ZFYVE9: variants seen among roughly 807,000 people sequenced by gnomAD.
ZFYVE9 encodes the protein zinc finger FYVE-type containing 9, also known as zinc finger FYVE domain-containing protein 9.
A neutral mutation model predicts 126.7 loss-of-function variants in ZFYVE9; 43 were observed. That is an observed-to-expected ratio of 0.34 (90% CI 0.27 to 0.44). ZFYVE9 has a LOEUF of 0.44. Ranked by LOEUF, ZFYVE9 falls within the 20% of genes least tolerant of loss-of-function variation. The pLI is 1.00. For missense variants in ZFYVE9, 1,476 were observed against 1,697.0 expected (o/e 0.87, Z 2.29); for synonymous variants, 521 against 597.4 (o/e 0.87, Z 1.87).
At chr1:52,301,123 G>T (rs147999715) in intron 12 of ZFYVE9, among the ~76,000 whole-genome samples, 117 of 151,940 alleles carry the variant, frequency 7.7e-4, no homozygotes, top group African/African-American at 2.6e-3. Context: ...GCCTACCAAA[G>T]TGCTGGGATT....
rs1448922843 is a variant in ZFYVE9 at position 52,216,490 on chromosome 1, T to C, written c.-37+16T>C. The C allele has an allele frequency of 2.5e-6, 1 of 398,364 alleles. No homozygotes were observed. 24.7% of individuals were successfully genotyped at this position (398,364 alleles called of 1,614,324 possible). A position where few individuals can be genotyped will look rare whatever the true frequency, so the allele number is the denominator to read the frequency against. Reference sequence around the variant, plus strand: ...GGGGAAAAAGGTAAGAAAATGTTTTTATTTCTCTTAGAGATTGAACTTGAG... The same window carrying C: ...GGGGAAAAAGGTAAGAAAATGTTTTCATTTCTCTTAGAGATTGAACTTGAG... On this transcript the variant is annotated intron_variant, in intron 2 of 18. Transcript: ENST00000287727.
intron 4 of ZFYVE9, among the ~76,000 whole-genome samples, chr1:52,255,976 CTT>C (rs1491279009): frequency 9.7e-6 from 1 of 102,612 alleles, no homozygotes; most frequent in South Asian, 3.1e-4. Flanking sequence ...TTCTTTCTTT[CTT>C]TCTTTCCTTC....
chr1:52,204,533 C>A (rs887672801), intron 1 of ZFYVE9, among the ~76,000 whole-genome samples: 2 of 152,054 alleles, frequency 1.3e-5, no homozygotes, highest in African/African-American at 2.4e-5. Flanking sequence ...TCAAGACCAG[C>A]CTGGCCAAAA....
intron 13 of ZFYVE9, among the ~76,000 whole-genome samples, chr1:52,325,941 T>G (rs974886472): frequency 1.3e-5 from 2 of 152,378 alleles, no homozygotes; most frequent in South Asian, 4.1e-4. Context: ...TGCAGCATAA[T>G]CATTCATAGA....
At chr1:52,317,247 G>A (rs188956404) in intron 13 of ZFYVE9, among the ~76,000 whole-genome samples, 92 of 152,158 alleles carry the variant, frequency 6.0e-4, no homozygotes, top group Middle Eastern at 3.4e-3. Flanking sequence ...GGCCAGGTGC[G>A]GTGGCTCATG....
chr1:52,268,703 A>C (rs1645658091), intron 7 of ZFYVE9, 71 bp downstream of exon 7: 3 of 1,528,042 alleles, frequency 2.0e-6, no homozygotes, highest in Middle Eastern at 3.6e-4. Flanking sequence ...CTGTTGAATT[A>C]CTTTTGTGTG....
intron 16 of ZFYVE9, among the ~76,000 whole-genome samples, 155 bp downstream of exon 16, chr1:52,338,089 G>A (rs1646404954): frequency 6.6e-6 from 1 of 152,170 alleles, no homozygotes; most frequent in African/African-American, 2.4e-5. Flanking sequence ...TAAATTTCTG[G>A]TTTTGTAAGT....
chr1:52,197,608 T>A (rs1471839871), intron 1 of ZFYVE9, among the ~76,000 whole-genome samples: 1 of 49,294 alleles, frequency 2.0e-5, no homozygotes, highest in Non-Finnish European at 6.5e-5. Context: ...CAAAAAAAAA[T>A]AGAAGAAAGT....
intron 12 of ZFYVE9, among the ~76,000 whole-genome samples, chr1:52,296,283 T>C (rs929123044): frequency 1.3e-5 from 2 of 152,020 alleles, no homozygotes; most frequent in African/African-American, 2.4e-5. Flanking sequence ...TGCAGAATTA[T>C]TGTGAGGACT....
intron 1 of ZFYVE9, among the ~76,000 whole-genome samples, chr1:52,157,649 C>T (rs757048225): frequency 2.4e-4 from 36 of 151,962 alleles, no homozygotes; most frequent in Non-Finnish European, 4.9e-4. Context: ...AGTGATCCAC[C>T]CACCTCAGCC....
chr1:52,166,862 C>G (rs576655742), intron 1 of ZFYVE9, among the ~76,000 whole-genome samples: 2 of 152,258 alleles, frequency 1.3e-5, no homozygotes, highest in South Asian at 4.1e-4. Flanking sequence ...GATAATGCCA[C>G]TGCACTCCAG....
chr1:52,279,475 AT>A (rs1645780760), intron 9 of ZFYVE9, among the ~76,000 whole-genome samples: 1 of 151,848 alleles, frequency 6.6e-6, no homozygotes, highest in Non-Finnish European at 1.5e-5. Context: ...GTATTTGAGA[AT>A]TTTTTGAGAC....
chr1:52,188,742 C>T lies in ZFYVE9; in HGVS notation c.-142-27627C>T, dbSNP rs780924862. Among the ~76,000 whole-genome samples the T allele has an allele frequency of 4.0e-5, 6 of 151,888 alleles. No individual in the cohort carries two copies. In the South Asian group the frequency reaches 8.3e-4, roughly 21 times the overall value. On this transcript the variant is annotated intron_variant, in intron 1 of 18. Coordinates refer to ENST00000287727, the MANE Select transcript of ZFYVE9 (RefSeq NM_004799.4). ...GTAGAATACCAATGTTAAGGTCAGGCGGATCAGAATTACAGTATTTCTAGT... is the reference window on the plus strand; with the variant it reads ...GTAGAATACCAATGTTAAGGTCAGGTGGATCAGAATTACAGTATTTCTAGT...
At chr1:52,219,244 G>A (rs953544434) in intron 2 of ZFYVE9, among the ~76,000 whole-genome samples, 23 of 152,132 alleles carry the variant, frequency 1.5e-4, no homozygotes, top group Admixed American at 6.5e-4. Flanking sequence ...GACAGGCATC[G>A]AATGTAATTG....
At chr1:52,275,159 A>G (rs1013351351) in intron 8 of ZFYVE9, among the ~76,000 whole-genome samples, 32 of 152,212 alleles carry the variant, frequency 2.1e-4, no homozygotes, top group African/African-American at 7.7e-4. Flanking sequence ...GATATAGTGG[A>G]TAATGCTGAG....
chr1:52,286,331 G>A (rs1015714356), intron 10 of ZFYVE9, among the ~76,000 whole-genome samples: 3 of 152,216 alleles, frequency 2.0e-5, no homozygotes, highest in Non-Finnish European at 2.9e-5. Context: ...GCTATTGAAT[G>A]AACTTTTTTA....
chr1:52,277,271 G>A (rs552293040), intron 8 of ZFYVE9, among the ~76,000 whole-genome samples: 1 of 151,822 alleles, frequency 6.6e-6, no homozygotes, highest in South Asian at 2.1e-4. Flanking sequence ...GCTGCTTAGG[G>A]TTCAGATTTT....
chr1:52,268,569 A>C lies in ZFYVE9; in HGVS notation c.2562A>C (p.Ala854=). 6.2e-7 allele frequency: 1 copy of C among 1,614,216 alleles called. No individual in the cohort carries two copies. The highest frequency in any genetic ancestry group is 8.5e-7 in the Non-Finnish European group (1 of 1,180,022). The change falls in exon 7 of 19, where the codon GCA becomes GCC. Residue 854 remains alanine (A), a synonymous_variant. Transcript: ENST00000287727. ...AKLTMNGTSS[A]GTLAVSHDPV... ...TAACAATGAATGGAACTTCCTCTGC[A>C]GGAACCCTGGCTGTGTCACACGACC...
chr1:52,342,822 G>A (rs570718874), intron 17 of ZFYVE9, among the ~76,000 whole-genome samples: 5 of 152,200 alleles, frequency 3.3e-5, no homozygotes, highest in South Asian at 2.1e-4. Flanking sequence ...GTGAGCCACC[G>A]CACCCGGCCT....
Sources: allele counts gnomAD v4.1 joint callset (sites outside exome capture counted in the v4.1 genomes callset), GRCh38; gene constraint gnomAD v4.1.1; transcripts MANE v1.5; gene names NCBI Gene and HGNC (gene_info 2026-07-23, HGNC 2026-07-21).